The following ZNF536 variants were observed in gnomAD, a reference collection of about 807,000 sequenced individuals.
ZNF536 encodes the protein zinc finger protein 536.
Under a neutral mutation model 84.5 loss-of-function variants are expected in ZNF536, and 13 were observed. The observed-to-expected ratio is 0.15, with a 90% confidence interval of 0.10 to 0.24. The LOEUF (loss-of-function observed/expected upper bound fraction) is 0.24. ZNF536 is among the 10% of genes least tolerant of loss of function. ZNF536 has a pLI of 1.00. For synonymous variants in ZNF536, 811 were observed against 742.5 expected (o/e 1.09, Z -1.50); for missense variants, 1,536 against 1,747.5 (o/e 0.88, Z 2.16).
intron 2 of ZNF536, among the ~76,000 whole-genome samples, chr19:30,451,379 G>GGTAGACTTGTAT (rs1344292656): frequency 1.3e-5 from 2 of 152,244 alleles, no homozygotes; most frequent in Non-Finnish European, 2.9e-5. Context: ...CCATTCACTT[G>GGTAGACTTGTAT]GTAGACTTGT....
chr19:30,638,475 G>A (rs1267959528), intron 1 of ZNF536, among the ~76,000 whole-genome samples: 1 of 152,196 alleles, frequency 6.6e-6, no homozygotes, highest in African/African-American at 2.4e-5. Flanking sequence ...GGCCTGAGCA[G>A]GAGGAAGCGT....
chr19:30,325,190 G>A (rs747932884), intron 2 of ZNF536, among the ~76,000 whole-genome samples: 1 of 152,206 alleles, frequency 6.6e-6, no homozygotes, highest in Admixed American at 6.5e-5. Context: ...TAGGTCCTCC[G>A]CACTTTGCCT....
At chr19:30,590,509 T>C (rs1222547615) in intron 1 of ZNF536, among the ~76,000 whole-genome samples, 1 of 152,250 alleles carries the variant, frequency 6.6e-6, no homozygotes, top group Admixed American at 6.5e-5. Flanking sequence ...CAAGAGCTTC[T>C]TTCTTTGTGT....
intron 2 of ZNF536, among the ~76,000 whole-genome samples, chr19:30,330,620 G>C (rs1039171334): frequency 5.3e-5 from 8 of 152,176 alleles, no homozygotes; most frequent in Admixed American, 5.2e-4. Context: ...CTGACGTTTG[G>C]GCTCTCCCAG....
At chr19:30,462,077 C>T (rs1053848386) in intron 2 of ZNF536, among the ~76,000 whole-genome samples, 2 of 152,158 alleles carry the variant, frequency 1.3e-5, no homozygotes, top group Admixed American at 6.5e-5. Flanking sequence ...GGAGGGCCTC[C>T]AGAGGAGGGG....
chr19:30,364,837 G>A (rs527700689), intron 3 of ZNF536, among the ~76,000 whole-genome samples: 3 of 152,126 alleles, frequency 2.0e-5, no homozygotes, highest in Non-Finnish European at 4.4e-5. Context: ...GTATACAAAA[G>A]AGGTACTTTG....
At chr19:30,426,940 CATCT>C (rs1168934705) in intron 1 of ZNF536, among the ~76,000 whole-genome samples, 2 of 152,172 alleles carry the variant, frequency 1.3e-5, no homozygotes, top group African/African-American at 2.4e-5. Flanking sequence ...TCCACCCACT[CATCT>C]ATCTATCTGC....
At chr19:30,366,551 T>G (rs2048439854) in intron 3 of ZNF536, among the ~76,000 whole-genome samples, 1 of 152,018 alleles carries the variant, frequency 6.6e-6, no homozygotes, top group Non-Finnish European at 1.5e-5. Flanking sequence ...ATAGATCTAT[T>G]TACCTTTCTT....
At chr19:30,269,918 T>A (rs1054739976) in intron 1 of ZNF536, among the ~76,000 whole-genome samples, 4 of 152,204 alleles carry the variant, frequency 2.6e-5, no homozygotes, top group African/African-American at 7.2e-5. Context: ...ACGGCACTGT[T>A]TATTTTTCCA....
At chr19:30,281,704 G>A (rs552852872) in intron 1 of ZNF536, among the ~76,000 whole-genome samples, 105 of 152,290 alleles carry the variant, frequency 6.9e-4, no homozygotes, top group Non-Finnish European at 1.3e-3. Flanking sequence ...AGTGTACAGC[G>A]AGTGGAATTT....
chr19:30,577,291 C>T (rs1344687132), intron 1 of ZNF536, among the ~76,000 whole-genome samples: 2 of 151,992 alleles, frequency 1.3e-5, no homozygotes, highest in South Asian at 2.1e-4. Flanking sequence ...TACATATTTA[C>T]AGCTGAGTTA....
At chr19:30,688,145 A>G (rs1003192097) in intron 1 of ZNF536, among the ~76,000 whole-genome samples, 11 of 152,066 alleles carry the variant, frequency 7.2e-5, no homozygotes, top group Admixed American at 3.3e-4. Flanking sequence ...GGTTCAGTCC[A>G]CCTCCCATCT....
At chr19:30,284,651 T>C (rs2045568194) in intron 2 of ZNF536, among the ~76,000 whole-genome samples, 1 of 152,196 alleles carries the variant, frequency 6.6e-6, no homozygotes, top group South Asian at 2.1e-4. Flanking sequence ...TGGGAGCTGA[T>C]ACAAACTTAA....
intron 2 of ZNF536, among the ~76,000 whole-genome samples, chr19:30,319,253 T>A (rs2046780045): frequency 6.6e-6 from 1 of 152,246 alleles, no homozygotes; most frequent in Admixed American, 6.5e-5. Context: ...CAGATGATCG[T>A]GGCAGGAACA....
chr19:30,474,402 A>C (rs1052756991), intron 2 of ZNF536, among the ~76,000 whole-genome samples: 12 of 151,958 alleles, frequency 7.9e-5, no homozygotes, highest in Non-Finnish European at 1.8e-4. Context: ...GTAGGGCTCC[A>C]TATTGTTATC....
chr19:30,528,900 G>A (rs11084554), intron 2 of ZNF536, among the ~76,000 whole-genome samples: 14,287 of 151,206 alleles, frequency 0.094, 930 homozygotes, highest in Non-Finnish European at 0.14. Context: ...CTGTAGGGTG[G>A]GGTCAGCGGG....
intron 1 of ZNF536, among the ~76,000 whole-genome samples, chr19:30,230,516 G>A (rs181377191): frequency 6.6e-5 from 10 of 152,304 alleles, no homozygotes; most frequent in Non-Finnish European, 1.2e-4. Context: ...CTGTCTTCAC[G>A]GAAGACTTAG....
intron 2 of ZNF536, among the ~76,000 whole-genome samples, chr19:30,485,165 A>AATAAATAAATAAATAAATAC (rs1413063728): frequency 1.3e-5 from 2 of 151,696 alleles, no homozygotes; most frequent in Non-Finnish European, 2.9e-5. Flanking sequence ...TAAATAAATA[A>AATAAATAAATAAATAAATAC]ATAAATACAT....
downstream of ZNF536, among the ~76,000 whole-genome samples, chr19:30,561,082 GGTTAA>G (rs2046147098): frequency 6.6e-6 from 1 of 152,176 alleles, no homozygotes; most frequent in Non-Finnish European, 1.5e-5. Context: ...CTGCTCACAA[GGTTAA>G]GTTTTCTTTT....
Sources: allele counts gnomAD v4.1 joint callset (sites outside exome capture counted in the v4.1 genomes callset), GRCh38; gene constraint gnomAD v4.1.1; transcripts MANE v1.5; gene names NCBI Gene and HGNC (gene_info 2026-07-23, HGNC 2026-07-21).